EDA: variants seen among roughly 807,000 people sequenced by gnomAD.
The protein encoded by EDA is ectodysplasin A, also known as ectodysplasin-A.
In EDA, 2 loss-of-function variants were observed where a neutral mutation model predicts 23.6. That is an observed-to-expected ratio of 0.08 (90% CI 0.03 to 0.27). The LOEUF (loss-of-function observed/expected upper bound fraction) is 0.27, where lower values mean the gene tolerates loss of function less well. EDA is among the 10% of genes least tolerant of loss of function. The pLI, the probability that EDA is intolerant of heterozygous loss-of-function variation, is 1.00. For synonymous variants in EDA, 131 were observed against 132.0 expected (o/e 0.99, Z 0.05); for missense variants, 229 against 324.2 (o/e 0.71, Z 2.26).
chrX:70,023,752 T>G (rs2020073072), intron 3 of EDA, among the ~76,000 whole-genome samples: 1 of 111,513 alleles, frequency 9.0e-6, no homozygotes, highest in South Asian at 3.8e-4. Context: ...AGTACCCTAT[T>G]TCTTGGACTT....
chrX:69,696,472 T>C (rs2011349277), intron 1 of EDA, among the ~76,000 whole-genome samples: 1 of 111,875 alleles, frequency 8.9e-6, no homozygotes, highest in Non-Finnish European at 1.9e-5. Context: ...TCATATAGTT[T>C]TTGGTTTCTC....
In EDA at chrX:69,635,059, A is replaced by G. The variant is rs767071967; in HGVS notation, c.396+18355A>G. 5.3e-5 allele frequency among the ~76,000 whole-genome samples: 6 copies of G among 112,371 alleles called. 1 individual carries two copies. Among genetic ancestry groups the G allele is most frequent in the Non-Finnish European group, 7.5e-5 (4 of 53,242 alleles). On this transcript the variant is annotated intron_variant, in intron 1 of 7. Transcript: ENST00000374552. ...AGGCTATACCTGTGTAGTAGGCTAT[A>G]CCATCCAGATTTGTGTAAATATACT...
At chrX:69,752,217 C>T (rs1005329285) in intron 1 of EDA, among the ~76,000 whole-genome samples, 2 of 111,272 alleles carry the variant, frequency 1.8e-5, no homozygotes, top group African/African-American at 6.5e-5. Context: ...GTGGGTTTTT[C>T]ATTAATAGCT....
At chrX:69,790,115 C>G (rs2015357256) in intron 1 of EDA, among the ~76,000 whole-genome samples, 1 of 111,504 alleles carries the variant, frequency 9.0e-6, no homozygotes. Flanking sequence ...TCAGAATATC[C>G]ATACTGTTTG....
At chrX:69,941,269 A>AT in intron 1 of EDA, among the ~76,000 whole-genome samples, 2 of 111,888 alleles carry the variant, frequency 1.8e-5, no homozygotes, top group Middle Eastern at 9.3e-3. Flanking sequence ...TGTTACGTGA[A>AT]TATCCATTAG....
At chrX:69,795,290 T>C (rs1163819003) in intron 1 of EDA, among the ~76,000 whole-genome samples, 1 of 112,059 alleles carries the variant, frequency 8.9e-6, no homozygotes, top group Non-Finnish European at 1.9e-5. Context: ...CCTCTCAAAG[T>C]GCTACGATTA....
At chrX:69,991,683 C>T (rs1008929148) in intron 2 of EDA, among the ~76,000 whole-genome samples, 1 of 111,599 alleles carries the variant, frequency 9.0e-6, no homozygotes, top group African/African-American at 3.3e-5. Flanking sequence ...CTGTATGAGT[C>T]TTTGCCACTA....
intron 1 of EDA, chrX:69,749,732 G>A (rs1251617618): frequency 9.0e-6 from 1 of 110,888 alleles, no homozygotes; most frequent in Non-Finnish European, 1.9e-5. Flanking sequence ...ACCTTTTGAG[G>A]CCCAGAGACA....
chrX:69,983,714 G>T (rs1409117257), intron 2 of EDA, among the ~76,000 whole-genome samples: 6 of 71,150 alleles, frequency 8.4e-5, no homozygotes, highest in African/African-American at 2.3e-4. Flanking sequence ...TTCAACTTTG[G>T]TGAATCTGAC....
At chrX:69,957,260 C>T (rs1476619022) in intron 2 of EDA, 128 bp downstream of exon 2, 1 of 598,197 alleles carries the variant, frequency 1.7e-6, no homozygotes, top group Non-Finnish European at 2.8e-6. Context: ...GGGAGGCCCA[C>T]GCGGGCAGAT....
intron 1 of EDA, among the ~76,000 whole-genome samples, chrX:69,908,629 C>A: frequency 9.1e-6 from 1 of 109,618 alleles, no homozygotes; most frequent in South Asian, 4.0e-4. Flanking sequence ...TACTTAGGGG[C>A]TGAAAACCAT....
intron 1 of EDA, among the ~76,000 whole-genome samples, chrX:69,883,969 T>TG (rs925940232): frequency 7.3e-5 from 8 of 109,918 alleles, no homozygotes; most frequent in African/African-American, 9.9e-5. Flanking sequence ...CCAGGCGTGG[T>TG]GGGAGGATTG....
chrX:69,738,467 A>T (rs1385120276), intron 1 of EDA, among the ~76,000 whole-genome samples: 8 of 105,746 alleles, frequency 7.6e-5, no homozygotes, highest in Non-Finnish European at 1.6e-4. Context: ...GGTTTTATTG[A>T]TTTTCTCTAT....
In EDA at chrX:70,037,435, C is replaced by A. The variant is rs915170671; in HGVS notation, c.*1826C>A. Reference sequence around the variant, plus strand: ...GGACAGTCCGCAGTTGTAGCAGAAACCAACAAGAACCACTCCTTCATGTTT... The same window carrying A: ...GGACAGTCCGCAGTTGTAGCAGAAAACAACAAGAACCACTCCTTCATGTTT... On this transcript the variant is annotated 3_prime_UTR_variant, in exon 8 of 8. Transcript: ENST00000374552. 1 of 112,086 alleles carries A rather than the reference C, an allele frequency of 8.9e-6. No individual in the cohort carries two copies. The highest frequency in any genetic ancestry group is 1.9e-5 in the Non-Finnish European group (1 of 53,258). 9.2% of individuals were successfully genotyped at this position (112,086 alleles called of 1,213,427 possible).
chrX:69,874,440 T>C (rs1318890148), intron 1 of EDA, among the ~76,000 whole-genome samples: 6 of 112,198 alleles, frequency 5.3e-5, no homozygotes, highest in Non-Finnish European at 1.1e-4. Flanking sequence ...ACAAAATCCA[T>C]CATCCCTTTA....
intron 1 of EDA, among the ~76,000 whole-genome samples, chrX:69,669,545 G>C (rs1266717411): frequency 1.8e-5 from 2 of 111,785 alleles, no homozygotes; most frequent in African/African-American, 6.5e-5. Context: ...GCAGAAACTA[G>C]ACTTTTACCT....
chrX:69,852,302 T>C (rs897996205), intron 1 of EDA, among the ~76,000 whole-genome samples: 2 of 111,648 alleles, frequency 1.8e-5, no homozygotes, highest in African/African-American at 6.5e-5. Context: ...GCTAATATTG[T>C]ATTTTTAGTA....
At chrX:69,924,069 T>C (rs1176861525) in intron 1 of EDA, among the ~76,000 whole-genome samples, 1 of 111,529 alleles carries the variant, frequency 9.0e-6, no homozygotes, top group Non-Finnish European at 1.9e-5. Flanking sequence ...ATATTAGACC[T>C]TTGTCAGATG....
chrX:69,734,232 A>G (rs897640201), intron 1 of EDA, among the ~76,000 whole-genome samples: 4 of 111,192 alleles, frequency 3.6e-5, no homozygotes, highest in Non-Finnish European at 7.6e-5. Context: ...ACACAGTGTT[A>G]TTTGTAGTAT....
Sources: gnomAD v4.1 joint callset for allele counts (sites outside exome capture counted in the v4.1 genomes callset) on GRCh38, gnomAD v4.1.1 for gene constraint, MANE v1.5 for transcripts, NCBI Gene and HGNC (gene_info 2026-07-23, HGNC 2026-07-21) for gene names.